The following GABRA2 variants were observed in gnomAD, a reference collection of about 807,000 sequenced individuals.
GABRA2 encodes the protein gamma-aminobutyric acid receptor subunit alpha-2.
GABRA2 carries 16 observed loss-of-function variants against 48.7 expected under a neutral mutation model. The ratio of observed to expected loss-of-function variants is 0.33; its 90% confidence interval spans 0.22 to 0.50. The LOEUF is 0.50. Ranked by LOEUF, GABRA2 falls within the 20% of genes least tolerant of loss-of-function variation. GABRA2 has a pLI of 0.98. For missense variants in GABRA2, 275 were observed against 535.6 expected, an observed-to-expected ratio of 0.51 and a Z score of 4.80; for synonymous variants, 185 against 184.5, an observed-to-expected ratio of 1.00 and a Z score of -0.02.
At position 46,386,067 on chromosome 4, in the gene GABRA2, T is replaced by A. The variant is rs1717408808; in HGVS notation, c.187+7A>T. On this transcript the variant is annotated splice_region_variant and intron_variant, in intron 3 of 9. Transcript: ENST00000381620. The stretch of plus-strand genomic sequence containing the variant: ...CGAGAGTTTTAAAAGAGGAAAACTA[T>A]TTTTACCTCCCAGTCCTGGTCTAAG... 6.4e-7 allele frequency: 1 copy of A among 1,557,004 alleles called. No homozygotes were observed. Among genetic ancestry groups the A allele is most frequent in the Admixed American group, 1.7e-5 (1 of 58,482 alleles).
chr4:46,380,523 C>T (rs1188948652), intron 3 of GABRA2, among the ~76,000 whole-genome samples: 2 of 152,146 alleles, frequency 1.3e-5, no homozygotes, highest in Non-Finnish European at 2.9e-5. Context: ...TGAGTTCTTA[C>T]TCTGTTTGCC....
intron 4 of GABRA2, among the ~76,000 whole-genome samples, chr4:46,321,525 A>G (rs965997764): frequency 6.6e-6 from 1 of 152,030 alleles, no homozygotes; most frequent in African/African-American, 2.4e-5. Context: ...CACAAAATCA[A>G]ATAATCATAA....
chr4:46,326,150 T>G (rs1054839385), intron 4 of GABRA2, among the ~76,000 whole-genome samples: 10 of 152,002 alleles, frequency 6.6e-5, no homozygotes. Context: ...TAAATCTTAT[T>G]TAGTTTTTAC....
At chr4:46,367,224 A>T (rs539451806) in intron 3 of GABRA2, 1 of 152,280 alleles carries the variant, frequency 6.6e-6, no homozygotes, top group South Asian at 2.1e-4. Flanking sequence ...ACTAAAATAT[A>T]TAGAAAAAAA....
chr4:46,368,817 AC>A (rs1714446100), intron 3 of GABRA2: 2 of 418,774 alleles, frequency 4.8e-6, no homozygotes, highest in Admixed American at 4.1e-5. Context: ...GATTTTAAAT[AC>A]TTATGTGGCA....
chr4:46,305,858 T>C, intron 6 of GABRA2, 147 bp from the exon 7 acceptor site: 1 of 595,700 alleles, frequency 1.7e-6, no homozygotes, highest in Non-Finnish European at 2.9e-6. Flanking sequence ...ATGTCTCATT[T>C]GAATTTACTT....
chr4:46,289,121 T>G (rs1466068162), intron 8 of GABRA2, among the ~76,000 whole-genome samples: 1 of 152,188 alleles, frequency 6.6e-6, no homozygotes. Flanking sequence ...GTAAATTAGT[T>G]CAACCATTGT....
intron 6 of GABRA2, 45 bp from the exon 7 acceptor site, chr4:46,305,756 C>A (rs1218064233): frequency 7.1e-7 from 1 of 1,416,430 alleles, no homozygotes; most frequent in Admixed American, 1.7e-5. Context: ...TAGTAAGAAC[C>A]ATCAATCTAG....
chr4:46,249,731 C>A lies in GABRA2; in HGVS notation c.*577G>T, dbSNP rs1353145822. The A allele has an allele frequency of 6.6e-6, 1 of 151,406 alleles. No homozygotes were observed. The highest frequency in any genetic ancestry group is 2.4e-5 in the African/African-American group (1 of 41,318). The allele number at this position is 151,406 out of a possible 1,614,324, so 9.4% of individuals were successfully genotyped here. A position where few individuals can be genotyped will look rare whatever the true frequency, so the allele number is the denominator to read the frequency against. ...CTGACTCATAATTATTTGAGCTTGT[C>A]ATGCTGTAATATGTACATGGCTATA... On this transcript the variant is annotated 3_prime_UTR_variant, in exon 10 of 10. Coordinates refer to ENST00000381620, the MANE Select transcript of GABRA2 (RefSeq NM_000807.4).
intron 8 of GABRA2, among the ~76,000 whole-genome samples, chr4:46,299,209 T>C (rs2109595544): frequency 6.6e-6 from 1 of 151,880 alleles, no homozygotes; most frequent in African/African-American, 2.4e-5. Context: ...TAAGTTAAAT[T>C]TGGTTTGGCA....
At chr4:46,377,678 G>T (rs1235004518) in intron 3 of GABRA2, among the ~76,000 whole-genome samples, 3 of 146,370 alleles carry the variant, frequency 2.0e-5, no homozygotes, top group Non-Finnish European at 4.5e-5. Flanking sequence ...CGCCCCTACT[G>T]GGAAGTGAGG....
At chr4:46,316,411 C>A (rs1401874841) in intron 4 of GABRA2, among the ~76,000 whole-genome samples, 1 of 152,012 alleles carries the variant, frequency 6.6e-6, no homozygotes, top group Admixed American at 6.6e-5. Flanking sequence ...ATGAGCATGG[C>A]TATGTTCCAA....
At chr4:46,368,925 C>T (rs747950823) in intron 3 of GABRA2, 19 of 690,902 alleles carry the variant, frequency 2.8e-5, no homozygotes, top group South Asian at 1.8e-4. Flanking sequence ...TTGTTCTGCC[C>T]ATGGAGAGCA....
chr4:46,296,860 T>G (rs552979565), intron 8 of GABRA2, among the ~76,000 whole-genome samples: 1 of 152,138 alleles, frequency 6.6e-6, no homozygotes, highest in Non-Finnish European at 1.5e-5. Flanking sequence ...AAAGAAAATG[T>G]CTTCATTTTG....
intron 8 of GABRA2, among the ~76,000 whole-genome samples, chr4:46,271,300 A>G (rs1371950674): frequency 2.0e-5 from 3 of 152,138 alleles, no homozygotes; most frequent in African/African-American, 7.2e-5. Flanking sequence ...TTGAAAGGAC[A>G]GAATATAACA....
chr4:46,311,010 G>T (rs1458680103), intron 5 of GABRA2, among the ~76,000 whole-genome samples: 1 of 152,128 alleles, frequency 6.6e-6, no homozygotes, highest in East Asian at 1.9e-4. Context: ...CAAAGCAAAT[G>T]TGACCACAAT....
chr4:46,362,113 C>T (rs983950867), intron 3 of GABRA2, among the ~76,000 whole-genome samples: 1 of 151,922 alleles, frequency 6.6e-6, no homozygotes, highest in African/African-American at 2.4e-5. Flanking sequence ...GTTGGGAAGG[C>T]ATAATTGGTT....
chr4:46,375,271 T>A (rs1413634055), intron 3 of GABRA2, among the ~76,000 whole-genome samples: 1 of 152,198 alleles, frequency 6.6e-6, no homozygotes, highest in Non-Finnish European at 1.5e-5. Context: ...ACCTTATTTG[T>A]AAATGATAAG....
At chr4:46,321,089 T>C (rs1729367643) in intron 4 of GABRA2, among the ~76,000 whole-genome samples, 1 of 151,780 alleles carries the variant, frequency 6.6e-6, no homozygotes, top group Admixed American at 6.6e-5. Context: ...TAGATAAACA[T>C]GGAGGGCATT....
Sources: gnomAD v4.1 joint callset for allele counts (sites outside exome capture counted in the v4.1 genomes callset) on GRCh38, gnomAD v4.1.1 for gene constraint, MANE v1.5 for transcripts, NCBI Gene and HGNC (gene_info 2026-07-23, HGNC 2026-07-21) for gene names.